Variants in UBAC1 observed in about 807,000 individuals in gnomAD.
UBAC1 encodes ubiquitin-associated domain-containing protein 1.
In UBAC1, 27 loss-of-function variants were observed where a neutral mutation model predicts 45.9. The ratio of observed to expected loss-of-function variants is 0.59; its 90% CI spans 0.43 to 0.81. The LOEUF is 0.81. Among genes scored for constraint, UBAC1 ranks in the 30% least tolerant of loss-of-function variants. The pLI, the probability that UBAC1 is intolerant of heterozygous loss-of-function variation, is 0.00. For missense variants in UBAC1, 529 were observed against 539.2 expected (o/e 0.98, Z 0.19); for synonymous variants, 227 against 215.5 (o/e 1.05, Z -0.47).
intron 2 of UBAC1, 32 bp from the exon 3 acceptor site, chr9:135,953,785 TG>T: frequency 6.3e-7 from 1 of 1,590,602 alleles, no homozygotes; most frequent in Non-Finnish European, 8.6e-7. Flanking sequence ...TCCAACACAC[TG>T]GTTATCACTT....
At chr9:135,954,708 G>C (rs1839445782) in intron 2 of UBAC1, among the ~76,000 whole-genome samples, 1 of 152,242 alleles carries the variant, frequency 6.6e-6, no homozygotes, top group Non-Finnish European at 1.5e-5. Flanking sequence ...TTAACCCTCA[G>C]AGGTCAAAAC....
At position 135,961,234 on chromosome 9, in the gene UBAC1, G is replaced by T; in HGVS notation, c.-72C>A. 4 of 1,403,416 alleles carry T rather than the reference G, an allele frequency of 2.9e-6. No individual in the cohort carries two copies. The highest frequency in any genetic ancestry group is 3.7e-6 in the Non-Finnish European group (4 of 1,084,182). The allele number at this position is 1,403,416 out of a possible 1,614,324, so 86.9% of individuals were successfully genotyped here. A position where few individuals can be genotyped will look rare whatever the true frequency, so the allele number is the denominator to read the frequency against. On this transcript the variant is annotated 5_prime_UTR_variant, in exon 1 of 10. Coordinates refer to ENST00000371756, the MANE Select transcript of UBAC1 (RefSeq NM_016172.3). The stretch of plus-strand genomic sequence containing the variant: ...GGTCACCGGGAAGGCGGGCGGGGAG[G>T]GGGCGGGGCCAGACCGCCCGCGCGC...
At chr9:135,948,903 C>G (rs983752996) in intron 3 of UBAC1, among the ~76,000 whole-genome samples, 4 of 152,072 alleles carry the variant, frequency 2.6e-5, no homozygotes, top group Admixed American at 2.0e-4. Context: ...AACCCCATCT[C>G]TACTAAAAAG....
intron 9 of UBAC1, among the ~76,000 whole-genome samples, chr9:135,935,731 A>G (rs943499974): frequency 6.6e-6 from 1 of 152,158 alleles, no homozygotes; most frequent in African/African-American, 2.4e-5. Context: ...CTAATAACCA[A>G]AAGGAATGCA....
At chr9:135,946,658 T>A (rs530120149) in intron 4 of UBAC1, among the ~76,000 whole-genome samples, 1 of 152,322 alleles carries the variant, frequency 6.6e-6, no homozygotes, top group Non-Finnish European at 1.5e-5. Context: ...TCGGCCCAGC[T>A]GGCGCAGGTG....
intron 9 of UBAC1, among the ~76,000 whole-genome samples, chr9:135,934,555 A>G (rs1177130836): frequency 6.6e-5 from 10 of 152,134 alleles, no homozygotes; most frequent in Non-Finnish European, 1.5e-4. Flanking sequence ...AGCTACTCGG[A>G]AGGCTGAGGC....
chr9:135,952,849 G>C (rs1839422572), intron 3 of UBAC1, among the ~76,000 whole-genome samples: 1 of 152,246 alleles, frequency 6.6e-6, no homozygotes, highest in Non-Finnish European at 1.5e-5. Flanking sequence ...AAAAGTTTCA[G>C]ACTGCGCTGC....
chr9:135,947,459 G>T (rs1431265880), intron 4 of UBAC1: 1 of 218,292 alleles, frequency 4.6e-6, no homozygotes, highest in Non-Finnish European at 9.0e-6. Flanking sequence ...CATCATGTTG[G>T]CCAGGCTGGT....
Position 135,946,315 on chromosome 9 carries a change from C to A in UBAC1, c.498G>T (p.Leu166=). ...CCACTGCATCTGGGTTCAGCGCTAA[C>A]AGCTTCTGCGCCACCTCGATGAGAG... is the stretch of plus-strand genomic sequence containing the variant. The part of the protein sequence containing the change: ...LVSLIEVAQK[L]LALNPDAVEL... Residue 166 remains leucine (L), a synonymous_variant, in exon 5 of 10, where the codon CTG becomes CTT. Transcript: ENST00000371756. 1 of 1,614,152 alleles carries A rather than the reference C, an allele frequency of 6.2e-7. No homozygotes were observed. Among genetic ancestry groups the A allele is most frequent in the Non-Finnish European group, 8.5e-7 (1 of 1,179,978 alleles).
intron 7 of UBAC1, among the ~76,000 whole-genome samples, chr9:135,940,761 G>A (rs1839260976): frequency 6.6e-6 from 1 of 152,014 alleles, no homozygotes; most frequent in Non-Finnish European, 1.5e-5. Context: ...TGTTTAAAGG[G>A]GTCCATTTTG....
chr9:135,943,143 G>A (rs1839288980), intron 7 of UBAC1, among the ~76,000 whole-genome samples: 1 of 152,180 alleles, frequency 6.6e-6, no homozygotes, highest in South Asian at 2.1e-4. Context: ...CAGTTGGCCG[G>A]GCGCAGTGTC....
chr9:135,948,010 T>A, intron 3 of UBAC1, 105 bp from the exon 4 acceptor site: 1 of 1,076,112 alleles, frequency 9.3e-7, no homozygotes, highest in Non-Finnish European at 1.3e-6. Flanking sequence ...TCCGTCTCCT[T>A]TAGGAGCCAG....
At chr9:135,943,876 A>C (rs1839296417) in intron 7 of UBAC1, among the ~76,000 whole-genome samples, 1 of 152,226 alleles carries the variant, frequency 6.6e-6, no homozygotes, top group South Asian at 2.1e-4. Flanking sequence ...AGGAACAAAA[A>C]ACCAAGCCCC....
At chr9:135,933,567 A>C (rs1188503207) in intron 9 of UBAC1, 52 bp from the exon 10 acceptor site, 1 of 1,379,074 alleles carries the variant, frequency 7.3e-7, no homozygotes, top group Admixed American at 1.7e-5. Context: ...CTCAGCCCAC[A>C]GGCACAGGCG....
intron 7 of UBAC1, among the ~76,000 whole-genome samples, chr9:135,942,508 A>G (rs1036983046): frequency 6.6e-6 from 1 of 152,108 alleles, no homozygotes; most frequent in African/African-American, 2.4e-5. Flanking sequence ...AAAATAAAAA[A>G]TTAGCCCTGT....
intron 9 of UBAC1, among the ~76,000 whole-genome samples, chr9:135,934,283 T>C (rs1315437678): frequency 6.6e-6 from 1 of 152,178 alleles, no homozygotes; most frequent in African/African-American, 2.4e-5. Context: ...GAACCCAACT[T>C]GGCTCTGTTC....
At chr9:135,939,477 ACACT>A (rs1484356493) in intron 8 of UBAC1, among the ~76,000 whole-genome samples, 192 bp downstream of exon 8, 2 of 143,348 alleles carry the variant, frequency 1.4e-5, no homozygotes, top group Non-Finnish European at 3.1e-5. Context: ...CTCACAGCCC[ACACT>A]CACTCACCAC....
At chr9:135,937,109 G>C (rs191819752) in intron 9 of UBAC1, among the ~76,000 whole-genome samples, 2 of 152,168 alleles carry the variant, frequency 1.3e-5, no homozygotes, top group Non-Finnish European at 1.5e-5. Flanking sequence ...CGCAGCTCCA[G>C]AGACACTTCC....
intron 9 of UBAC1, among the ~76,000 whole-genome samples, chr9:135,935,281 C>T (rs184877659): frequency 6.6e-6 from 1 of 152,342 alleles, no homozygotes; most frequent in Non-Finnish European, 1.5e-5. Flanking sequence ...CAGTTTACAA[C>T]ATTCAACAAA....
Sources: allele counts gnomAD v4.1 joint callset (sites outside exome capture counted in the v4.1 genomes callset), GRCh38; gene constraint gnomAD v4.1.1; transcripts MANE v1.5; gene names NCBI Gene and HGNC (gene_info 2026-07-23, HGNC 2026-07-21).